Variants in ZNF676 observed in about 807,000 individuals in gnomAD.
ZNF676 encodes the protein zinc finger protein 676.
ZNF676 carries 4 observed loss-of-function variants against 6.0 expected under a neutral mutation model. The ratio of observed to expected loss-of-function variants is 0.67; its 90% CI spans 0.33 to 1.53. The LOEUF is 1.53. ZNF676 is among the 40% of genes most tolerant of loss of function. The probability of loss-of-function intolerance (pLI) is 0.06; values close to 1 mark genes in which losing one functional copy is unlikely to be tolerated. For synonymous variants in ZNF676, 198 were observed against 223.1 expected (o/e 0.89, Z 1.00); for missense variants, 644 against 679.7 (o/e 0.95, Z 0.58).
chr19:22,211,925 C>T (rs281177), intron 1 of ZNF676, among the ~76,000 whole-genome samples: 49,414 of 151,830 alleles, frequency 0.33, 8,409 homozygotes, highest in South Asian at 0.42. Context: ...GAGGGCAGGG[C>T]GCAGTGGCTC....
At chr19:22,232,495 G>T in the ZNF676 span, among the ~76,000 whole-genome samples, 1 of 151,948 alleles carries the variant, frequency 6.6e-6, no homozygotes, top group Non-Finnish European at 1.5e-5. Flanking sequence ...ACCCCATTTT[G>T]TATAATAAAA....
At chr19:22,205,601 T>C (rs1242603135) in intron 1 of ZNF676, among the ~76,000 whole-genome samples, 1 of 152,150 alleles carries the variant, frequency 6.6e-6, no homozygotes, top group African/African-American at 2.4e-5. Context: ...AAGAAGTGTT[T>C]TGAAACAAAT....
chr19:22,184,914 G>T (rs2023813913), intron 2 of ZNF676, among the ~76,000 whole-genome samples: 1 of 151,568 alleles, frequency 6.6e-6, no homozygotes, highest in Non-Finnish European at 1.5e-5. Flanking sequence ...CAGAGCACCT[G>T]GGGGAAGGGA....
upstream of ZNF676, among the ~76,000 whole-genome samples, chr19:22,200,240 C>A (rs1400803565): frequency 6.6e-6 from 1 of 151,576 alleles, no homozygotes; most frequent in African/African-American, 2.4e-5. Context: ...AAAAAAAAAT[C>A]CCTTAAGGTT....
At chr19:22,233,179 A>C in the ZNF676 span, among the ~76,000 whole-genome samples, 1 of 152,140 alleles carries the variant, frequency 6.6e-6, no homozygotes, top group African/African-American at 2.4e-5. Flanking sequence ...TAATTGCAGC[A>C]TTGTTACAAA....
chr19:22,182,314 G>C (rs2023767301), intron 2 of ZNF676, among the ~76,000 whole-genome samples: 1 of 151,992 alleles, frequency 6.6e-6, no homozygotes, highest in Non-Finnish European at 1.5e-5. Flanking sequence ...TTTTGTGACA[G>C]GTGGCCTTTT....
At chr19:22,215,511 G>C in intron 1 of ZNF676, 1 of 1,195,790 alleles carries the variant, frequency 8.4e-7, no homozygotes, top group Non-Finnish European at 1.2e-6. Flanking sequence ...CTGAGGTCGA[G>C]CTAGGCAAGG....
intron 1 of ZNF676, among the ~76,000 whole-genome samples, chr19:22,214,832 G>A (rs1403636685): frequency 9.9e-5 from 15 of 151,572 alleles, no homozygotes; most frequent in Admixed American, 3.9e-4. Context: ...GAGGTCAGGA[G>A]ATCGAGACTA....
At chr19:22,218,506 T>C (rs2024216491), upstream of ZNF676, among the ~76,000 whole-genome samples, 1 of 151,252 alleles carries the variant, frequency 6.6e-6, no homozygotes, top group South Asian at 2.1e-4. Flanking sequence ...CTAAATTTTT[T>C]TTTTTTTTTT....
At chr19:22,233,151 T>C in the ZNF676 span, among the ~76,000 whole-genome samples, 1 of 152,176 alleles carries the variant, frequency 6.6e-6, no homozygotes, top group African/African-American at 2.4e-5. Context: ...ATATGAAGAA[T>C]TATTTACATG....
In ZNF676 at chr19:22,181,204, A is replaced by G. The variant is rs776826213; in HGVS notation, c.513T>C (p.Cys171=). 6.2e-7 allele frequency: 1 copy of G among 1,613,826 alleles called. No homozygotes were observed. The highest frequency in any genetic ancestry group is 8.5e-7 in the Non-Finnish European group (1 of 1,179,924). ...RIYTRENSYK[C]EENGKAFNWS... ...AGTTAAAAGCTTTGCCATTTTCTTC[A>G]CATTTGTAGGAATTCTCTCTAGTAT... Residue 171 remains cysteine, a synonymous_variant, in exon 3 of 3, where the codon TGT becomes TGC. Transcript: ENST00000397121.
the ZNF676 span, among the ~76,000 whole-genome samples, chr19:22,227,927 G>A: frequency 6.6e-6 from 1 of 152,080 alleles, no homozygotes; most frequent in African/African-American, 2.4e-5. Flanking sequence ...TCTACCACAG[G>A]TACAAAGAGG....
chr19:22,182,152 T>A (rs1463625107), intron 2 of ZNF676, among the ~76,000 whole-genome samples: 2 of 152,116 alleles, frequency 1.3e-5, no homozygotes, highest in Non-Finnish European at 2.9e-5. Context: ...ACCAAGTGAT[T>A]ACTTTTCAGA....
the ZNF676 span, among the ~76,000 whole-genome samples, chr19:22,239,011 T>C: frequency 1.3e-5 from 2 of 152,110 alleles, no homozygotes; most frequent in Admixed American, 6.6e-5. Flanking sequence ...ATACTTTGTA[T>C]CCTTCAATCC....
chr19:22,249,898 T>C, the ZNF676 span, among the ~76,000 whole-genome samples: 1 of 151,940 alleles, frequency 6.6e-6, no homozygotes, highest in Non-Finnish European at 1.5e-5. Flanking sequence ...TAAAAACTTG[T>C]TTTGGCCAGG....
chr19:22,249,646 A>G, the ZNF676 span, among the ~76,000 whole-genome samples: 7 of 152,092 alleles, frequency 4.6e-5, no homozygotes, highest in Admixed American at 4.6e-4. Flanking sequence ...TCCTGACCTC[A>G]GGTGATCCAT....
chr19:22,192,463 T>A (rs138244270), intron 2 of ZNF676, among the ~76,000 whole-genome samples: 3 of 152,140 alleles, frequency 2.0e-5, no homozygotes, highest in Non-Finnish European at 4.4e-5. Context: ...AAAATTTACA[T>A]GAAGCTACAA....
At chr19:22,188,067 A>T (rs1256925430) in intron 2 of ZNF676, among the ~76,000 whole-genome samples, 3 of 152,160 alleles carry the variant, frequency 2.0e-5, no homozygotes, top group African/African-American at 4.8e-5. Flanking sequence ...AAAAAAAGAA[A>T]ATTTCAGGCC....
intron 1 of ZNF676, among the ~76,000 whole-genome samples, chr19:22,207,252 G>A (rs1439319464): frequency 2.0e-5 from 3 of 152,096 alleles, no homozygotes; most frequent in Admixed American, 6.6e-5. Context: ...AAAGTCTCAG[G>A]ATACAAAAGA....
Sources: gnomAD v4.1 joint callset for allele counts (sites outside exome capture counted in the v4.1 genomes callset) on GRCh38, gnomAD v4.1.1 for gene constraint, MANE v1.5 for transcripts, NCBI Gene and HGNC (gene_info 2026-07-23, HGNC 2026-07-21) for gene names.